TSPAN9: variants seen among roughly 807,000 people sequenced by gnomAD.
The protein encoded by TSPAN9 is tetraspanin-9.
TSPAN9 carries 16 observed loss-of-function variants against 31.0 expected under a neutral mutation model. That is an observed-to-expected ratio of 0.52 (90% CI 0.35 to 0.78). The LOEUF is 0.78. Among genes scored for constraint, TSPAN9 ranks in the 30% least tolerant of loss-of-function variants. TSPAN9 has a pLI of 0.01. For synonymous variants in TSPAN9, 145 were observed against 121.6 expected, an observed-to-expected ratio of 1.19 and a Z score of -1.27; for missense variants, 272 against 312.5, an observed-to-expected ratio of 0.87 and a Z score of 0.98.
At chr12:3,226,766 A>T (rs1230974566) in intron 3 of TSPAN9, among the ~76,000 whole-genome samples, 15 of 1,518 alleles carry the variant, frequency 9.9e-3, no homozygotes, top group South Asian at 0.036. Flanking sequence ...ATATATATAT[A>T]TATATATATA....
At chr12:3,109,141 T>A (rs2098316485) in intron 2 of TSPAN9, among the ~76,000 whole-genome samples, 7 of 152,002 alleles carry the variant, frequency 4.6e-5, no homozygotes, top group Admixed American at 4.6e-4. Context: ...TTTCACCGTG[T>A]TAGCCAGGAT....
intron 2 of TSPAN9, among the ~76,000 whole-genome samples, chr12:3,180,978 C>T (rs2098358306): frequency 6.6e-6 from 1 of 151,092 alleles, no homozygotes; most frequent in African/African-American, 2.4e-5. Flanking sequence ...GTTCAGGGCC[C>T]TGCATTTTAG....
intron 2 of TSPAN9, among the ~76,000 whole-genome samples, chr12:3,142,574 C>A (rs4765713): frequency 2.6e-5 from 4 of 152,004 alleles, no homozygotes; most frequent in African/African-American, 7.3e-5. Flanking sequence ...TGTGAAAATC[C>A]GATCCGAGGC....
chr12:3,270,440 A>G lies in TSPAN9; in HGVS notation c.64-7981A>G, dbSNP rs189308181. ...TTGGGGACTGGGCCATCTCTCACCC[A>G]TGCCTTCATCTTTGAAGCCCGGAAC... On this transcript the variant is annotated intron_variant, in intron 3 of 8. Coordinates refer to ENST00000011898, the MANE Select transcript of TSPAN9 (RefSeq NM_006675.5). Among the ~76,000 whole-genome samples, 439 of 152,290 alleles carry G rather than the reference A, an allele frequency of 2.9e-3. 2 individuals carry two copies. Among genetic ancestry groups the G allele is most frequent in the Non-Finnish European group, 5.1e-3 (346 of 68,012 alleles).
chr12:3,272,730 G>A (rs954164326), intron 3 of TSPAN9, among the ~76,000 whole-genome samples: 1 of 152,216 alleles, frequency 6.6e-6, no homozygotes, highest in Non-Finnish European at 1.5e-5. Context: ...GCTGCCCCTA[G>A]GATCTAAGCA....
At chr12:3,162,050 G>C (rs533294326) in intron 2 of TSPAN9, among the ~76,000 whole-genome samples, 1 of 152,224 alleles carries the variant, frequency 6.6e-6, no homozygotes, top group South Asian at 2.1e-4. Flanking sequence ...TGGGTCATGA[G>C]GACGGATCCC....
intron 2 of TSPAN9, among the ~76,000 whole-genome samples, chr12:3,163,837 A>G (rs1371649702): frequency 1.3e-5 from 2 of 152,330 alleles, no homozygotes; most frequent in African/African-American, 4.8e-5. Context: ...GCCCTGGAGG[A>G]TACAGAAAAC....
chr12:3,163,005 T>C (rs2098346249), intron 2 of TSPAN9, among the ~76,000 whole-genome samples: 1 of 152,202 alleles, frequency 6.6e-6, no homozygotes. Context: ...CATTGGCGAA[T>C]CTCCCCAGTA....
chr12:3,227,706 C>T (rs939683836), intron 3 of TSPAN9, among the ~76,000 whole-genome samples: 6 of 152,164 alleles, frequency 3.9e-5, no homozygotes, highest in Admixed American at 2.6e-4. Flanking sequence ...CTCTTCCAGT[C>T]GGGCCACGTC....
intron 1 of TSPAN9, among the ~76,000 whole-genome samples, chr12:3,079,957 T>C (rs2098297087): frequency 6.6e-6 from 1 of 151,522 alleles, no homozygotes; most frequent in Admixed American, 6.6e-5. Context: ...TTTTTTTTTT[T>C]TTTTGGTAGA....
At chr12:3,127,377 A>G (rs1190915994) in intron 2 of TSPAN9, among the ~76,000 whole-genome samples, 1 of 150,152 alleles carries the variant, frequency 6.7e-6, no homozygotes, top group African/African-American at 2.5e-5. Flanking sequence ...TTTTTTTGAG[A>G]CGGAGTCTTG....
intron 2 of TSPAN9, among the ~76,000 whole-genome samples, chr12:3,120,599 C>T (rs1170686100): frequency 6.6e-6 from 1 of 152,248 alleles, no homozygotes; most frequent in Non-Finnish European, 1.5e-5. Context: ...CTATTGATGT[C>T]ACCTCTTTCC....
intron 2 of TSPAN9, among the ~76,000 whole-genome samples, chr12:3,105,974 T>C (rs1029399098): frequency 1.3e-5 from 2 of 152,056 alleles, no homozygotes; most frequent in Admixed American, 1.3e-4. Flanking sequence ...CTCATTCGTA[T>C]GTGCAGCGCA....
chr12:3,281,302 C>T lies in TSPAN9; in HGVS notation c.537C>T (p.Arg179=). 1 of 1,550,716 alleles carries T rather than the reference C, an allele frequency of 6.4e-7. No homozygotes were observed. The highest frequency in any genetic ancestry group is 8.7e-7 in the Non-Finnish European group (1 of 1,146,742). The part of the protein sequence containing the change: ...CCMENSQGCG[R]NATTPLWRTG... ...TGGAGAACTCCCAGGGCTGCGGGCG[C>T]AACGCCACCACGCCTTTGTGGAGAA... Residue 179 remains arginine, a synonymous_variant, in exon 7 of 9, where the codon CGC becomes CGT. Coordinates refer to ENST00000011898, the MANE Select transcript of TSPAN9 (RefSeq NM_006675.5).
chr12:3,152,956 C>T (rs747793313), intron 2 of TSPAN9, among the ~76,000 whole-genome samples: 1 of 152,230 alleles, frequency 6.6e-6, no homozygotes, highest in African/African-American at 2.4e-5. Context: ...AATGACAGAG[C>T]AGCAGAGGCG....
intron 2 of TSPAN9, among the ~76,000 whole-genome samples, chr12:3,167,744 G>A (rs908665287): frequency 1.3e-5 from 2 of 152,236 alleles, no homozygotes; most frequent in African/African-American, 4.8e-5. Context: ...GGGGCTAGGA[G>A]CTGCTGGGGG....
In TSPAN9 at chr12:3,107,293, C is replaced by T. The variant is rs1178415214; in HGVS notation, c.-18+23574C>T. ...CATCCTTGACTGTTTCTTCTGACCTCGAAATCCAGCGAGTGAAAATCTGCG... is the reference window on the plus strand; with the variant it reads ...CATCCTTGACTGTTTCTTCTGACCTTGAAATCCAGCGAGTGAAAATCTGCG... On this transcript the variant is annotated intron_variant, in intron 2 of 8. Transcript: ENST00000011898. This position sits in a 1 kb window ranked among gnomAD's most constrained non-coding sequence, Gnocchi z 4.1. Among the ~76,000 whole-genome samples, 4 of 152,186 alleles carry T rather than the reference C, an allele frequency of 2.6e-5. No homozygotes were observed. Among genetic ancestry groups the T allele is most frequent in the Non-Finnish European group, 4.4e-5 (3 of 68,034 alleles).
intron 3 of TSPAN9, among the ~76,000 whole-genome samples, chr12:3,243,791 A>T (rs542619540): frequency 6.6e-6 from 1 of 152,208 alleles, no homozygotes; most frequent in Non-Finnish European, 1.5e-5. Context: ...GGTGTCAGGC[A>T]GGTGGAGAGC....
chr12:3,127,633 G>T (rs551065734), intron 2 of TSPAN9, among the ~76,000 whole-genome samples: 3 of 152,236 alleles, frequency 2.0e-5, no homozygotes, highest in African/African-American at 7.2e-5. Flanking sequence ...GGGATTACAG[G>T]TGTGAGCCAC....
Sources: gnomAD v4.1 joint callset for allele counts (sites outside exome capture counted in the v4.1 genomes callset) on GRCh38, gnomAD v4.1.1 for gene constraint, Gnocchi (gnomAD v3.1) non-coding constraint, MANE v1.5 for transcripts, NCBI Gene and HGNC (gene_info 2026-07-23, HGNC 2026-07-21) for gene names.